The following HK1 variants were observed in gnomAD, a reference collection of about 807,000 sequenced individuals.
HK1 encodes the protein hexokinase 1.
Under a neutral mutation model 91.6 loss-of-function variants are expected in HK1, and 28 were observed. The observed-to-expected ratio is 0.31, with a 90% CI of 0.23 to 0.42. HK1 has a LOEUF of 0.42. Ranked by LOEUF, HK1 falls within the 10% of genes least tolerant of loss-of-function variation. The probability of loss-of-function intolerance (pLI) is 1.00; values close to 1 mark genes in which losing one functional copy is unlikely to be tolerated. For synonymous variants in HK1, 430 were observed against 468.1 expected, an observed-to-expected ratio of 0.92 and a Z score of 1.05; for missense variants, 770 against 1,219.8, an observed-to-expected ratio of 0.63 and a Z score of 5.49.
intron 2 of HK1, among the ~76,000 whole-genome samples, chr10:69,283,011 A>G (rs948670460): frequency 1.7e-4 from 26 of 150,618 alleles, no homozygotes; most frequent in African/African-American, 5.8e-4. Flanking sequence ...CTGTAATCCC[A>G]GCTACTTCGG....
At chr10:69,297,487 G>A (rs1180128874) in intron 4 of HK1, among the ~76,000 whole-genome samples, 6 of 152,122 alleles carry the variant, frequency 3.9e-5, no homozygotes, top group East Asian at 1.9e-4. Flanking sequence ...ACAAATCAAC[G>A]TTGGTGGCCT....
chr10:69,293,860 T>C (rs867656550), intron 3 of HK1, among the ~76,000 whole-genome samples: 7,659 of 135,826 alleles, frequency 0.056, 189 homozygotes, highest in East Asian at 0.13. Flanking sequence ...TCTTTCTTTT[T>C]TTTTTTTTTT....
Position 69,384,866 on chromosome 10 carries a change from C to A in HK1, c.1790C>A (p.Pro597His). 6.2e-7 allele frequency: 1 copy of A among 1,614,166 alleles called. No homozygotes were observed. The highest frequency in any genetic ancestry group is 8.5e-7 in the Non-Finnish European group (1 of 1,179,990). ...ATGGGGATCAAAGGCCCCAGGATGCCTCTGGGCTTCACGTTCTCATTTCCC... is the reference window on the plus strand; with the variant it reads ...ATGGGGATCAAAGGCCCCAGGATGCATCTGGGCTTCACGTTCTCATTTCCC... ...DYMGIKGPRM[P>H]LGFTFSFPCQ... The change falls in exon 12 of 18, where the codon CCT becomes CAT. Residue 597 changes from proline (P) to histidine (H), a missense_variant. Pro to His is a moderately conservative substitution (Grantham distance 77, BLOSUM62 -2). Coordinates refer to ENST00000359426, the MANE Select transcript of HK1 (RefSeq NM_000188.3).
At chr10:69,337,145 A>G (rs892108045) in intron 1 of HK1, among the ~76,000 whole-genome samples, 1 of 152,184 alleles carries the variant, frequency 6.6e-6, no homozygotes, top group Non-Finnish European at 1.5e-5. Flanking sequence ...AACTTGTCCA[A>G]AGTCACACAG....
In HK1 at chr10:69,351,006, T is replaced by TAA. The variant is rs71009213; in HGVS notation, c.226+7035_226+7036dup. Among the ~76,000 whole-genome samples the TAA allele has an allele frequency of 4.3e-3, 470 of 108,696 alleles. 4 individuals carry two copies. The highest frequency in any genetic ancestry group is 0.015 in the African/African-American group (424 of 27,428). 71.3% of individuals were successfully genotyped at this position (108,696 alleles called of 152,430 possible). ...TAACACAGTGAAACCCCGTCTCTACTAAAAAAAAAAAAAAAAAAATTAGCT... is the reference window on the plus strand; with the variant it reads ...TAACACAGTGAAACCCCGTCTCTACTAAAAAAAAAAAAAAAAAAAAATTAGCT... On this transcript the variant is annotated intron_variant, in intron 2 of 17. Transcript: ENST00000359426.
upstream of HK1, among the ~76,000 whole-genome samples, chr10:69,310,821 C>G (rs1303066116): frequency 6.6e-6 from 1 of 152,176 alleles, no homozygotes; most frequent in Non-Finnish European, 1.5e-5. Flanking sequence ...CTTTGGGAGG[C>G]TGTGGCAGGC....
chr10:69,385,582 C>CTGTA (rs1839594017), intron 12 of HK1, among the ~76,000 whole-genome samples: 3 of 152,216 alleles, frequency 2.0e-5, no homozygotes, highest in African/African-American at 7.2e-5. Context: ...GCTGGAAGAG[C>CTGTA]TGTAGGTAGC....
intron 1 of HK1, among the ~76,000 whole-genome samples, chr10:69,328,336 C>T (rs1414391776): frequency 1.3e-5 from 2 of 152,214 alleles, no homozygotes; most frequent in East Asian, 1.9e-4. Context: ...ACTCGGAGAC[C>T]TCGAGGGTGC....
chr10:69,310,278 G>A (rs552620795), intron 5 of HK1, among the ~76,000 whole-genome samples: 53 of 151,780 alleles, frequency 3.5e-4, no homozygotes, highest in African/African-American at 1.2e-3. Context: ...AAAATTAGCC[G>A]GGTGTGGTGG....
intron 2 of HK1, among the ~76,000 whole-genome samples, chr10:69,284,164 T>C (rs1844904227): frequency 1.3e-5 from 2 of 152,112 alleles, no homozygotes; most frequent in Admixed American, 6.6e-5. Context: ...TGAGGGACAG[T>C]GTGCAAGATT....
At chr10:69,382,414 A>T in intron 9 of HK1, 73 bp from the exon 10 acceptor site, 4 of 1,459,532 alleles carry the variant, frequency 2.7e-6, no homozygotes, top group Non-Finnish European at 3.8e-6. Context: ...GAGTGGAGAA[A>T]GAAAGGGTGG....
intron 10 of HK1, among the ~76,000 whole-genome samples, chr10:69,383,762 G>C (rs1839504163): frequency 6.6e-6 from 1 of 152,230 alleles, no homozygotes; most frequent in South Asian, 2.1e-4. Context: ...CCTTCAGTGG[G>C]CCACCTGGCT....
At chr10:69,314,658 TTCTC>T (rs113772182), upstream of HK1, among the ~76,000 whole-genome samples, 10,929 of 151,950 alleles carry the variant, frequency 0.072, 909 homozygotes, top group African/African-American at 0.21. Flanking sequence ...TTCTCTTCTC[TTCTC>T]TCTTTTCTTT....
chr10:69,364,107 T>G (rs1849572907), intron 3 of HK1, among the ~76,000 whole-genome samples: 1 of 152,160 alleles, frequency 6.6e-6, no homozygotes, highest in African/African-American at 2.4e-5. Flanking sequence ...GCAGTTGCCC[T>G]TGGGCTGGGT....
In HK1 at chr10:69,368,773, G is replaced by A. The variant is rs78289575; in HGVS notation, c.591+142G>A. 1,418 of 730,634 alleles carry A rather than the reference G, an allele frequency of 1.9e-3. 13 individuals are homozygous for A. In the African/African-American group the frequency reaches 0.021, roughly 11 times the overall value. 45.3% of individuals were successfully genotyped at this position (730,634 alleles called of 1,614,324 possible). A position where few individuals can be genotyped will look rare whatever the true frequency, so the allele number is the denominator to read the frequency against. On this transcript the variant is annotated intron_variant, in intron 5 of 17. Coordinates refer to ENST00000359426, the MANE Select transcript of HK1 (RefSeq NM_000188.3). The stretch of plus-strand genomic sequence containing the variant: ...GGCAGGGGAGAGTTGAGGGCTCACA[G>A]TGTGGAATGATGAGGATGGGGATGG...
At chr10:69,343,772 C>T in intron 1 of HK1, 55 bp from the exon 2 acceptor site, 2 of 1,458,698 alleles carry the variant, frequency 1.4e-6, no homozygotes, top group South Asian at 2.3e-5. Context: ...GGGTGCCTCA[C>T]CTTGCCCTGT....
intron 15 of HK1, 50 bp downstream of exon 15, chr10:69,392,358 C>G (rs773189009): frequency 6.3e-6 from 10 of 1,596,546 alleles, no homozygotes; most frequent in Admixed American, 3.3e-5. Context: ...GGGGGCAGCA[C>G]TTGGCTGCAT....
intron 16 of HK1, among the ~76,000 whole-genome samples, chr10:69,397,574 G>A (rs142394252): frequency 4.6e-5 from 7 of 152,270 alleles, no homozygotes; most frequent in African/African-American, 1.7e-4. Flanking sequence ...CTTCTCCACC[G>A]GCTGTGTGCT....
intron 1 of HK1, among the ~76,000 whole-genome samples, chr10:69,334,968 G>T (rs17567544): frequency 6.6e-6 from 1 of 152,160 alleles, no homozygotes; most frequent in African/African-American, 2.4e-5. Context: ...AGCTGGGGAC[G>T]GAGAGGCCCA....
Sources: allele counts gnomAD v4.1 joint callset (sites outside exome capture counted in the v4.1 genomes callset), GRCh38; gene constraint gnomAD v4.1.1; transcripts MANE v1.5; gene names NCBI Gene and HGNC (gene_info 2026-07-23, HGNC 2026-07-21).